The following MTMR8 variants were observed in gnomAD, a reference collection of about 807,000 sequenced individuals.
MTMR8 encodes the protein myotubularin related protein 8.
MTMR8 carries 65 observed loss-of-function variants against 39.3 expected under a neutral mutation model. That is an observed-to-expected ratio of 1.65 (90% CI 1.35 to 2.03). The LOEUF is 2.03. Ranked by LOEUF, MTMR8 falls within the 30% of genes most tolerant of loss-of-function variation. The pLI, the probability that MTMR8 is intolerant of heterozygous loss-of-function variation, is 0.00. For synonymous variants in MTMR8, 245 were observed against 185.2 expected (o/e 1.32, Z -2.62); for missense variants, 777 against 538.9 (o/e 1.44, Z -4.37).
intron 1 of MTMR8, among the ~76,000 whole-genome samples, chrX:64,391,216 C>A (rs958618625): frequency 3.6e-5 from 4 of 112,177 alleles, no homozygotes; most frequent in African/African-American, 6.5e-5. Context: ...TCTATAAAAT[C>A]TTTCACTGTC....
At chrX:64,325,870 AG>A (rs1189643704) in intron 12 of MTMR8, among the ~76,000 whole-genome samples, 2 of 111,761 alleles carry the variant, frequency 1.8e-5, no homozygotes, top group Non-Finnish European at 3.8e-5. Flanking sequence ...AGATGACATG[AG>A]TGTATACAGT....
At chrX:64,392,239 C>A (rs1924708400) in intron 1 of MTMR8, among the ~76,000 whole-genome samples, 2 of 111,792 alleles carry the variant, frequency 1.8e-5, no homozygotes, top group South Asian at 7.5e-4. Flanking sequence ...CATATACCAA[C>A]AAAAATGTAT....
At chrX:64,284,081 G>A (rs1921061155) in intron 12 of MTMR8, among the ~76,000 whole-genome samples, 1 of 111,508 alleles carries the variant, frequency 9.0e-6, no homozygotes, top group African/African-American at 3.3e-5. Context: ...ACTGAAAACA[G>A]ATTAGATGAA....
intron 12 of MTMR8, among the ~76,000 whole-genome samples, chrX:64,321,187 G>A (rs190039094): frequency 2.8e-3 from 311 of 111,288 alleles, no homozygotes; most frequent in Middle Eastern, 4.7e-3. Context: ...AAACAAAAAC[G>A]TATGCCCCAT....
chrX:64,291,997 C>A (rs1490372154), intron 12 of MTMR8, among the ~76,000 whole-genome samples: 1 of 111,762 alleles, frequency 8.9e-6, no homozygotes, highest in African/African-American at 3.3e-5. Context: ...AAAGTACATA[C>A]CTCTGGACCA....
chrX:64,307,858 T>C (rs1464632982), intron 12 of MTMR8, among the ~76,000 whole-genome samples: 4 of 112,554 alleles, frequency 3.6e-5, no homozygotes, highest in African/African-American at 1.3e-4. Flanking sequence ...TTCATTTAGA[T>C]CTTTAATTTC....
intron 1 of MTMR8, among the ~76,000 whole-genome samples, chrX:64,383,150 T>C (rs1924474787): frequency 9.0e-6 from 1 of 111,385 alleles, no homozygotes; most frequent in Non-Finnish European, 1.9e-5. Context: ...AAAAAAGATC[T>C]CTTTTGATCA....
At chrX:64,340,000 A>C (rs765586552) in intron 8 of MTMR8, among the ~76,000 whole-genome samples, 1 of 111,674 alleles carries the variant, frequency 9.0e-6, no homozygotes, top group African/African-American at 3.3e-5. Flanking sequence ...AGCTAAGACT[A>C]TAAGGCATAA....
intron 12 of MTMR8, among the ~76,000 whole-genome samples, chrX:64,323,941 T>G (rs1480674087): frequency 8.9e-6 from 1 of 112,552 alleles, no homozygotes. Context: ...CTTATAGCAA[T>G]AAATGTCTAC....
chrX:64,354,498 C>T (rs377696063), intron 4 of MTMR8, among the ~76,000 whole-genome samples: 20 of 111,420 alleles, frequency 1.8e-4, no homozygotes, highest in East Asian at 5.7e-4. Flanking sequence ...CTTCACAAGG[C>T]TACTCTGCAA....
intron 12 of MTMR8, among the ~76,000 whole-genome samples, chrX:64,291,101 A>G (rs1489454302): frequency 9.0e-6 from 1 of 111,725 alleles, no homozygotes; most frequent in Non-Finnish European, 1.9e-5. Flanking sequence ...AAATGAGCCA[A>G]AGGTAGCCTC....
intron 12 of MTMR8, among the ~76,000 whole-genome samples, chrX:64,300,816 T>C (rs1196175464): frequency 9.3e-6 from 1 of 107,199 alleles, no homozygotes; most frequent in South Asian, 4.4e-4. Context: ...TAAAGTATTT[T>C]ATTTCTCCTT....
chrX:64,394,049 G>T (rs1056610374), intron 1 of MTMR8, among the ~76,000 whole-genome samples: 1 of 111,937 alleles, frequency 8.9e-6, no homozygotes, highest in Admixed American at 9.5e-5. Context: ...GTTCCACATG[G>T]CTGGGGAGAC....
chrX:64,364,081 C>T (rs981368714), intron 1 of MTMR8, among the ~76,000 whole-genome samples: 17 of 112,365 alleles, frequency 1.5e-4, no homozygotes, highest in Admixed American at 6.5e-4. Context: ...AACAAAGCTG[C>T]CAGGAAGCTC....
At chrX:64,380,942 GCGTAGTA>G (rs1458866195) in intron 1 of MTMR8, among the ~76,000 whole-genome samples, 1 of 112,110 alleles carries the variant, frequency 8.9e-6, no homozygotes, top group Non-Finnish European at 1.9e-5. Context: ...TTTTAGGGCT[GCGTAGTA>G]TTCCATGGTG....
chrX:64,289,658 A>G (rs997674789), intron 12 of MTMR8, among the ~76,000 whole-genome samples: 18 of 103,329 alleles, frequency 1.7e-4, no homozygotes, highest in Non-Finnish European at 3.1e-4. Context: ...AAAAAAAAAA[A>G]AAATTAAGTT....
At chrX:64,378,861 G>A (rs1415221740) in intron 1 of MTMR8, among the ~76,000 whole-genome samples, 1 of 111,781 alleles carries the variant, frequency 8.9e-6, no homozygotes, top group Non-Finnish European at 1.9e-5. Flanking sequence ...CTGGCTCTTT[G>A]AAAAGATCAA....
intron 1 of MTMR8, among the ~76,000 whole-genome samples, chrX:64,372,278 A>T (rs1233689702): frequency 9.0e-6 from 1 of 110,767 alleles, no homozygotes; most frequent in Admixed American, 9.7e-5. Flanking sequence ...GGAAAATGAT[A>T]TTGGTACAAT....
intron 8 of MTMR8, among the ~76,000 whole-genome samples, chrX:64,342,898 A>C (rs1923255483): frequency 8.9e-6 from 1 of 112,165 alleles, no homozygotes; most frequent in Admixed American, 9.5e-5. Flanking sequence ...ACATAAAAAC[A>C]AAACGTCAAA....
Sources: allele counts gnomAD v4.1 joint callset (sites outside exome capture counted in the v4.1 genomes callset), GRCh38; gene constraint gnomAD v4.1.1; transcripts MANE v1.5; gene names NCBI Gene and HGNC (gene_info 2026-07-23, HGNC 2026-07-21).